The following NHS variants were observed in gnomAD, a reference collection of about 807,000 sequenced individuals.
NHS encodes the protein NHS actin remodeling regulator.
NHS carries 5 observed loss-of-function variants against 72.5 expected under a neutral mutation model. That is an observed-to-expected ratio of 0.07 (90% CI 0.04 to 0.14). NHS has a LOEUF of 0.14. Among genes scored for constraint, NHS ranks in the 10% least tolerant of loss-of-function variants. NHS has a pLI of 1.00. For synonymous variants in NHS, 464 were observed against 547.7 expected, an observed-to-expected ratio of 0.85 and a Z score of 2.13; for missense variants, 1,072 against 1,355.7, an observed-to-expected ratio of 0.79 and a Z score of 3.29.
At chrX:17,376,515 A>G (rs1417481573) in intron 1 of NHS, among the ~76,000 whole-genome samples, 193 bp downstream of exon 1, 1 of 111,935 alleles carries the variant, frequency 8.9e-6, no homozygotes, top group Non-Finnish European at 1.9e-5. Context: ...GCTGGGCTGG[A>G]CCCCGATTCA....
Position 17,661,970 on chromosome X carries a change from G to A in NHS, c.566-25772G>A, listed in dbSNP as rs766173388. 8.4e-4 allele frequency among the ~76,000 whole-genome samples: 94 copies of A among 112,097 alleles called. No individual in the cohort carries two copies. The Middle Eastern group carries it at 0.014, about 16-fold the overall frequency. On this transcript the variant is annotated intron_variant, in intron 1 of 8. Coordinates refer to ENST00000676302, the MANE Select transcript of NHS (RefSeq NM_001291867.2). Reference sequence around the variant, plus strand: ...TCTAGAGCTCCCCATGGGATGGGCTGAGCCTTTGTTGTGACTCTCCTAGCC... The same window carrying A: ...TCTAGAGCTCCCCATGGGATGGGCTAAGCCTTTGTTGTGACTCTCCTAGCC...
intron 1 of NHS, among the ~76,000 whole-genome samples, chrX:17,475,901 A>G (rs950737615): frequency 1.8e-5 from 2 of 111,464 alleles, no homozygotes; most frequent in Admixed American, 1.9e-4. Flanking sequence ...CCTCTGAGAG[A>G]GAAATCTCAT....
chrX:17,469,021 A>G (rs1054639792), intron 1 of NHS, among the ~76,000 whole-genome samples: 7 of 111,751 alleles, frequency 6.3e-5, no homozygotes, highest in Non-Finnish European at 1.1e-4. Context: ...ATGACTTCTA[A>G]CCCCATAGAT....
intron 1 of NHS, among the ~76,000 whole-genome samples, chrX:17,407,254 TG>T (rs754346808): frequency 7.4e-4 from 83 of 111,790 alleles, no homozygotes; most frequent in Non-Finnish European, 1.2e-3. Flanking sequence ...GTCAGAGTGT[TG>T]TTTTTTTAAT....
intron 1 of NHS, among the ~76,000 whole-genome samples, chrX:17,515,946 A>C (rs912116039): frequency 9.0e-6 from 1 of 110,891 alleles, no homozygotes; most frequent in African/African-American, 3.3e-5. Flanking sequence ...AATCAAGTGA[A>C]ATAATCATTA....
chrX:17,467,106 C>T lies in NHS; in HGVS notation c.565+90784C>T, dbSNP rs185819982. Among the ~76,000 whole-genome samples the T allele has an allele frequency of 2.7e-5, 3 of 111,720 alleles. No homozygotes were observed. In the East Asian group the frequency reaches 8.5e-4, roughly 32 times the overall value. ...ACATGGTAAGAAGAAGGGAACAGCC[C>T]TGGATCTCCTGCTTGACTCCTAATC... On this transcript the variant is annotated intron_variant, in intron 1 of 8. Transcript: ENST00000676302.
At chrX:17,484,397 A>T (rs1183728597) in intron 1 of NHS, among the ~76,000 whole-genome samples, 1 of 111,869 alleles carries the variant, frequency 8.9e-6, no homozygotes, top group Non-Finnish European at 1.9e-5. Flanking sequence ...CAGTGAGGCC[A>T]ACAGATCAGG....
chrX:17,615,183 A>AT (rs34548387), intron 1 of NHS, among the ~76,000 whole-genome samples: 3 of 88,725 alleles, frequency 3.4e-5, no homozygotes, highest in East Asian at 3.6e-4. Flanking sequence ...GTATATATAT[A>AT]GTATATATAC....
At chrX:17,537,851 C>G (rs921759107) in intron 1 of NHS, among the ~76,000 whole-genome samples, 1 of 111,883 alleles carries the variant, frequency 8.9e-6, no homozygotes, top group Non-Finnish European at 1.9e-5. Context: ...CAATGCCCGA[C>G]TGGAGGCTGG....
At chrX:17,433,053 G>A (rs974259083) in intron 1 of NHS, among the ~76,000 whole-genome samples, 3 of 107,869 alleles carry the variant, frequency 2.8e-5, no homozygotes, top group South Asian at 4.0e-4. Context: ...TTTTTGAGAC[G>A]GAGTCTCGCT....
chrX:17,623,205 C>T (rs1448864373), intron 1 of NHS, among the ~76,000 whole-genome samples: 1 of 112,285 alleles, frequency 8.9e-6, no homozygotes, highest in Non-Finnish European at 1.9e-5. Flanking sequence ...TCCCAAAGTG[C>T]TCGGATTATA....
chrX:17,552,080 G>A (rs2065339708), intron 1 of NHS, among the ~76,000 whole-genome samples: 1 of 111,735 alleles, frequency 8.9e-6, no homozygotes, highest in African/African-American at 3.3e-5. Context: ...GACCAATTAG[G>A]CAAGTAAGTA....
rs55775230 is a variant in NHS, at chrX:17,588,591, A to AT, written c.566-99139dup. 7.0e-3 allele frequency among the ~76,000 whole-genome samples: 718 copies of AT among 102,532 alleles called. 4 individuals carry two copies. Among genetic ancestry groups the AT allele is most frequent in the African/African-American group, 0.02 (564 of 28,301 alleles). 89.0% of individuals were successfully genotyped at this position (102,532 alleles called of 115,157 possible). The stretch of plus-strand genomic sequence containing the variant: ...CAAGTTATTGTGCTGTTTGTGGGGG[A>AT]TTTTTTTTTTTTGCCCTTTTTCCCC... On this transcript the variant is annotated intron_variant, in intron 1 of 8. Coordinates refer to ENST00000676302, the MANE Select transcript of NHS (RefSeq NM_001291867.2).
At chrX:17,478,042 A>G (rs1257173215) in intron 1 of NHS, among the ~76,000 whole-genome samples, 1 of 111,877 alleles carries the variant, frequency 8.9e-6, no homozygotes. Flanking sequence ...CCTGCCCACC[A>G]CAGATGTCAG....
intron 1 of NHS, among the ~76,000 whole-genome samples, chrX:17,441,676 T>A (rs1182165868): frequency 9.0e-6 from 1 of 110,637 alleles, no homozygotes; most frequent in Admixed American, 9.6e-5. Flanking sequence ...CTTCCTTCCT[T>A]CGTTCCTTCC....
intron 1 of NHS, among the ~76,000 whole-genome samples, chrX:17,565,755 A>T (rs1394715432): frequency 8.9e-6 from 1 of 112,439 alleles, no homozygotes; most frequent in Admixed American, 9.4e-5. Context: ...CCTGCACAGC[A>T]TTCATATGTA....
intron 1 of NHS, among the ~76,000 whole-genome samples, chrX:17,575,931 C>T (rs1350519954): frequency 8.9e-6 from 1 of 112,008 alleles, no homozygotes; most frequent in East Asian, 2.8e-4. Flanking sequence ...AGGCCTGTCT[C>T]ATTCCAGAGA....
chrX:17,389,213 C>T (rs1207734596), intron 1 of NHS, among the ~76,000 whole-genome samples: 1 of 112,123 alleles, frequency 8.9e-6, no homozygotes, highest in African/African-American at 3.2e-5. Context: ...GCATAACATA[C>T]AACCCTATTA....
chrX:17,591,981 CTG>C (rs1358875521), intron 1 of NHS, among the ~76,000 whole-genome samples: 3 of 110,208 alleles, frequency 2.7e-5, no homozygotes, highest in Non-Finnish European at 5.7e-5. Flanking sequence ...CATACTGCGA[CTG>C]TGCATCTGAG....
Sources: allele counts gnomAD v4.1 joint callset (sites outside exome capture counted in the v4.1 genomes callset), GRCh38; gene constraint gnomAD v4.1.1; transcripts MANE v1.5; gene names NCBI Gene and HGNC (gene_info 2026-07-23, HGNC 2026-07-21).